Variants in CLSTN2 observed in about 807,000 individuals in gnomAD.
The protein encoded by CLSTN2 is calsyntenin-2.
A neutral mutation model predicts 101.2 loss-of-function variants in CLSTN2; 48 were observed. That is an observed-to-expected ratio of 0.47 (90% confidence interval 0.38 to 0.60). The LOEUF (loss-of-function observed/expected upper bound fraction) is 0.60. Among genes scored for constraint, CLSTN2 ranks in the 20% least tolerant of loss-of-function variants. The probability of loss-of-function intolerance (pLI) is 0.00; values close to 1 mark genes in which losing one functional copy is unlikely to be tolerated. For missense variants in CLSTN2, 1,160 were observed against 1,238.2 expected (o/e 0.94, Z 0.95); for synonymous variants, 481 against 463.6 (o/e 1.04, Z -0.48).
chr3:140,067,433 C>A (rs1185736867), intron 1 of CLSTN2, among the ~76,000 whole-genome samples: 1 of 152,130 alleles, frequency 6.6e-6, no homozygotes, highest in Non-Finnish European at 1.5e-5. Context: ...CCGATATTGC[C>A]CCTGTAGCTC....
intron 9 of CLSTN2, among the ~76,000 whole-genome samples, chr3:140,541,147 C>T (rs554646029): frequency 3.9e-5 from 6 of 152,298 alleles, no homozygotes; most frequent in Admixed American, 6.5e-5. Context: ...CATTGTCTGG[C>T]ATGTAGGCCA....
chr3:140,461,078 A>AT (rs1933551620), intron 7 of CLSTN2: 1 of 152,206 alleles, frequency 6.6e-6, no homozygotes. Flanking sequence ...TGATGTTGTT[A>AT]TTATTATTAC....
chr3:140,123,253 T>C (rs567594730), intron 1 of CLSTN2, among the ~76,000 whole-genome samples: 1 of 151,976 alleles, frequency 6.6e-6, no homozygotes, highest in South Asian at 2.1e-4. Context: ...TTCATTCTAG[T>C]CCTTTTATAA....
intron 2 of CLSTN2, among the ~76,000 whole-genome samples, chr3:140,288,115 A>G (rs2086912867): frequency 4.1e-5 from 2 of 48,604 alleles, no homozygotes; most frequent in African/African-American, 1.3e-4. Flanking sequence ...CAGTCTCAGC[A>G]GAACAGGAAA....
chr3:140,129,576 T>A (rs2009491106), intron 1 of CLSTN2, among the ~76,000 whole-genome samples: 1 of 152,198 alleles, frequency 6.6e-6, no homozygotes, highest in Non-Finnish European at 1.5e-5. Context: ...TAATTGATGT[T>A]CTCATTATTA....
Position 140,144,766 on chromosome 3 carries a change from G to A in CLSTN2, c.110-31185G>A, listed in dbSNP as rs145146645. 3.0e-3 allele frequency among the ~76,000 whole-genome samples: 456 copies of A among 152,268 alleles called. 1 individual carries two copies. Among genetic ancestry groups the A allele is most frequent in the African/African-American group, 0.01 (430 of 41,544 alleles). On this transcript the variant is annotated intron_variant, in intron 1 of 16. Transcript: ENST00000458420. ...TGGGCTCCTCTTCACACCCCAGTCC[G>A]TGCCACCTGGCATCTGGAATCCAGG... is the stretch of plus-strand genomic sequence containing the variant.
chr3:140,020,469 C>A (rs982941038), intron 1 of CLSTN2, among the ~76,000 whole-genome samples: 1 of 152,160 alleles, frequency 6.6e-6, no homozygotes, highest in African/African-American at 2.4e-5. Context: ...AGCTTCCTAC[C>A]TCTCTCTTTC....
intron 1 of CLSTN2, among the ~76,000 whole-genome samples, chr3:139,976,497 T>C (rs1935821136): frequency 6.6e-6 from 1 of 152,218 alleles, no homozygotes; most frequent in Non-Finnish European, 1.5e-5. Context: ...AAACTGAGGC[T>C]CAGGGACTTT....
At chr3:140,227,005 C>T (rs1328532028) in intron 2 of CLSTN2, among the ~76,000 whole-genome samples, 1 of 152,158 alleles carries the variant, frequency 6.6e-6, no homozygotes, top group Non-Finnish European at 1.5e-5. Flanking sequence ...GGGGACACAA[C>T]CAAACCATAT....
chr3:140,027,719 C>T (rs1018668238), intron 1 of CLSTN2, among the ~76,000 whole-genome samples: 4 of 152,182 alleles, frequency 2.6e-5, no homozygotes, highest in Admixed American at 6.5e-5. Flanking sequence ...ACCCCAGTGT[C>T]ATCCACAGTA....
In CLSTN2 at chr3:140,078,056, T is replaced by C. The variant is rs116260892; in HGVS notation, c.110-97895T>C. 6.3e-3 allele frequency among the ~76,000 whole-genome samples: 957 copies of C among 152,240 alleles called. 11 individuals carry two copies. The highest frequency in any genetic ancestry group is 0.022 in the African/African-American group (908 of 41,534). ...GGTAACACGGTGGATGAGGGGAAGA[T>C]GAAAGAGGAAGCAGAGGTCACCATG... On this transcript the variant is annotated intron_variant, in intron 1 of 16. Transcript: ENST00000458420.
At chr3:140,548,202 A>G (rs1027460625) in intron 10 of CLSTN2, among the ~76,000 whole-genome samples, 1 of 152,228 alleles carries the variant, frequency 6.6e-6, no homozygotes, top group Non-Finnish European at 1.5e-5. Flanking sequence ...ATTCTGTTAT[A>G]GGCTAGTTTC....
At chr3:140,060,982 C>T (rs1292430417) in intron 1 of CLSTN2, among the ~76,000 whole-genome samples, 1 of 152,094 alleles carries the variant, frequency 6.6e-6, no homozygotes, top group Non-Finnish European at 1.5e-5. Flanking sequence ...CGATCAGGAC[C>T]AGACATAGGG....
At chr3:140,386,810 C>A (rs1178771835) in intron 2 of CLSTN2, among the ~76,000 whole-genome samples, 1 of 152,158 alleles carries the variant, frequency 6.6e-6, no homozygotes, top group East Asian at 1.9e-4. Context: ...GTCAGCAGGG[C>A]AGCTATAATT....
chr3:140,371,338 A>G (rs1030990145), intron 2 of CLSTN2, among the ~76,000 whole-genome samples: 5 of 141,610 alleles, frequency 3.5e-5, no homozygotes, highest in African/African-American at 7.5e-5. Context: ...TCTGCAGAAG[A>G]TGGGAAAACC....
intron 2 of CLSTN2, among the ~76,000 whole-genome samples, chr3:140,210,036 T>A (rs917254668): frequency 1.3e-4 from 20 of 152,214 alleles, no homozygotes; most frequent in African/African-American, 4.8e-4. Flanking sequence ...AGCTTCCCTG[T>A]CTCCTCTGAG....
intron 2 of CLSTN2, among the ~76,000 whole-genome samples, chr3:140,369,468 A>G (rs1229021082): frequency 6.6e-6 from 1 of 152,192 alleles, no homozygotes; most frequent in Admixed American, 6.5e-5. Flanking sequence ...TACTGTGATG[A>G]TTTATCACAG....
intron 1 of CLSTN2, among the ~76,000 whole-genome samples, chr3:139,956,479 CGTT>C (rs2107812595): frequency 6.6e-6 from 1 of 152,184 alleles, no homozygotes; most frequent in South Asian, 2.1e-4. Context: ...ACAGAGAAGG[CGTT>C]GTTGCTCACA....
chr3:140,555,202 A>C (rs1029809618), intron 10 of CLSTN2, among the ~76,000 whole-genome samples: 1 of 152,190 alleles, frequency 6.6e-6, no homozygotes, highest in African/African-American at 2.4e-5. Flanking sequence ...CTGGTTATTA[A>C]ATCTTCCATA....
Sources: allele counts gnomAD v4.1 joint callset (sites outside exome capture counted in the v4.1 genomes callset), GRCh38; gene constraint gnomAD v4.1.1; transcripts MANE v1.5; gene names NCBI Gene and HGNC (gene_info 2026-07-23, HGNC 2026-07-21).